Variants in NXPH2 observed in about 807,000 individuals in gnomAD.
NXPH2 encodes neurexophilin 2.
A neutral mutation model predicts 19.8 loss-of-function variants in NXPH2; 5 were observed. The observed-to-expected ratio is 0.25, with a 90% CI of 0.13 to 0.53. The LOEUF is 0.53. Ranked by LOEUF, NXPH2 falls within the 20% of genes least tolerant of loss-of-function variation. NXPH2 has a pLI of 0.96. For missense variants in NXPH2, 289 were observed against 322.8 expected (o/e 0.90, Z 0.80); for synonymous variants, 154 against 127.4 (o/e 1.21, Z -1.41).
intron 1 of NXPH2, among the ~76,000 whole-genome samples, chr2:138,753,524 G>A (rs1221743047): frequency 6.6e-6 from 1 of 152,104 alleles, no homozygotes; most frequent in African/African-American, 2.4e-5. Context: ...ATTGCTACTG[G>A]AGTGTTTTGT....
chr2:138,731,501 G>C (rs1320199144), intron 1 of NXPH2, among the ~76,000 whole-genome samples: 1 of 152,028 alleles, frequency 6.6e-6, no homozygotes, highest in Non-Finnish European at 1.5e-5. Flanking sequence ...ATCTCTCTGG[G>C]CTTTGACAAT....
chr2:138,760,044 TAAAG>T (rs1681986284), intron 1 of NXPH2, among the ~76,000 whole-genome samples: 2 of 152,192 alleles, frequency 1.3e-5, no homozygotes, highest in African/African-American at 4.8e-5. Context: ...CCTTTTTCTA[TAAAG>T]TGTTTAAGAA....
intron 1 of NXPH2, among the ~76,000 whole-genome samples, chr2:138,744,767 C>G (rs549545996): frequency 6.6e-6 from 1 of 152,300 alleles, no homozygotes; most frequent in African/African-American, 2.4e-5. Flanking sequence ...AGAACTCTTC[C>G]TGGCTCTAGC....
chr2:138,703,549 G>A (rs1275229580), intron 1 of NXPH2, among the ~76,000 whole-genome samples: 1 of 152,182 alleles, frequency 6.6e-6, no homozygotes, highest in African/African-American at 2.4e-5. Flanking sequence ...CATTGGAGAG[G>A]TTCGCATATT....
intron 1 of NXPH2, among the ~76,000 whole-genome samples, chr2:138,746,648 T>G (rs971636048): frequency 6.6e-6 from 1 of 152,196 alleles, no homozygotes; most frequent in Non-Finnish European, 1.5e-5. Flanking sequence ...ATTGAGCACA[T>G]GGGAAGACAT....
chr2:138,674,758 G>A (rs1215835959), intron 1 of NXPH2, among the ~76,000 whole-genome samples: 1 of 152,174 alleles, frequency 6.6e-6, no homozygotes. Context: ...AGGATGCATG[G>A]GCAGATAAGA....
chr2:138,686,813 T>C (rs1680663250), intron 1 of NXPH2, among the ~76,000 whole-genome samples: 1 of 152,200 alleles, frequency 6.6e-6, no homozygotes, highest in Admixed American at 6.5e-5. Flanking sequence ...TTGTTTTTTT[T>C]GTCCTTGCAA....
At chr2:138,711,337 C>T (rs1681103207) in intron 1 of NXPH2, among the ~76,000 whole-genome samples, 1 of 151,922 alleles carries the variant, frequency 6.6e-6, no homozygotes, top group Non-Finnish European at 1.5e-5. Context: ...GACAGGGTTT[C>T]ACCATGTTAG....
rs890428671 is a variant in NXPH2, at chr2:138,729,871, G to T, written c.51+50320C>A. Among the ~76,000 whole-genome samples, 3 of 152,170 alleles carry T rather than the reference G, an allele frequency of 2.0e-5. No individual in the cohort carries two copies. In the South Asian group the frequency reaches 6.2e-4, roughly 32 times the overall value. Reference sequence around the variant, plus strand: ...TTATGTCTTCTTTGGTCAATAGGGTGCTTCTGAAGTGATGTTTTTGTCTGC... The same window carrying T: ...TTATGTCTTCTTTGGTCAATAGGGTTCTTCTGAAGTGATGTTTTTGTCTGC... On this transcript the variant is annotated intron_variant, in intron 1 of 1. Transcript: ENST00000272641.
At chr2:138,730,899 A>G (rs1046532868) in intron 1 of NXPH2, among the ~76,000 whole-genome samples, 1 of 152,162 alleles carries the variant, frequency 6.6e-6, no homozygotes, top group African/African-American at 2.4e-5. Context: ...AGCTAACTAT[A>G]ACACCATCTC....
intron 1 of NXPH2, among the ~76,000 whole-genome samples, chr2:138,728,725 T>C (rs1276054998): frequency 1.3e-5 from 2 of 152,220 alleles, no homozygotes; most frequent in Non-Finnish European, 2.9e-5. Context: ...TATTCTCTGA[T>C]AAAAAGTTTG....
chr2:138,716,427 G>A (rs543918967), intron 1 of NXPH2, among the ~76,000 whole-genome samples: 12 of 152,198 alleles, frequency 7.9e-5, no homozygotes, highest in South Asian at 4.2e-4. Context: ...TTGAGAACAC[G>A]GCCATCTGCA....
At chr2:138,701,162 T>C (rs1680916634) in intron 1 of NXPH2, among the ~76,000 whole-genome samples, 1 of 152,134 alleles carries the variant, frequency 6.6e-6, no homozygotes, top group Admixed American at 6.5e-5. Flanking sequence ...CGTGTAATTC[T>C]AGGAGCGTTT....
chr2:138,727,079 A>G (rs1167709120), intron 1 of NXPH2, among the ~76,000 whole-genome samples: 3 of 152,148 alleles, frequency 2.0e-5, no homozygotes, highest in East Asian at 1.9e-4. Flanking sequence ...ATATGCATTT[A>G]AGGTTCTTCC....
At chr2:138,703,402 A>C (rs1202625780) in intron 1 of NXPH2, among the ~76,000 whole-genome samples, 1 of 152,198 alleles carries the variant, frequency 6.6e-6, no homozygotes. Flanking sequence ...TGAAGGGATA[A>C]ATCAGGCTGT....
intron 1 of NXPH2, among the ~76,000 whole-genome samples, chr2:138,704,161 G>T (rs1015303682): frequency 6.6e-6 from 1 of 152,172 alleles, no homozygotes; most frequent in Admixed American, 6.6e-5. Flanking sequence ...CTTTTCCTAT[G>T]TGCTTTGGGA....
intron 1 of NXPH2, among the ~76,000 whole-genome samples, chr2:138,694,220 G>A (rs1680793270): frequency 6.6e-6 from 1 of 152,138 alleles, no homozygotes; most frequent in East Asian, 1.9e-4. Context: ...CTTTTGGTTT[G>A]ATGCCTCCCA....
chr2:138,711,361 G>C (rs1052537197), intron 1 of NXPH2, among the ~76,000 whole-genome samples: 16 of 151,752 alleles, frequency 1.1e-4, no homozygotes, highest in African/African-American at 3.1e-4. Flanking sequence ...GGCTGGTCTT[G>C]ATCTCCTGAC....
At position 138,670,222 on chromosome 2, in the gene NXPH2, T is replaced by G. The variant is rs1227240057; in HGVS notation, c.*700A>C. On this transcript the variant is annotated 3_prime_UTR_variant, in exon 2 of 2. Coordinates refer to ENST00000272641, the MANE Select transcript of NXPH2 (RefSeq NM_007226.3). ...TTGTTATCGTTCAACAAACTTATTC[T>G]CAGATTTGCTTTCCCATTACATCAG... 6.6e-6 allele frequency among the ~76,000 whole-genome samples: 1 copy of G among 152,190 alleles called. No individual in the cohort carries two copies. Among genetic ancestry groups the G allele is most frequent in the Non-Finnish European group, 1.5e-5 (1 of 68,036 alleles).
Sources: allele counts gnomAD v4.1 joint callset (sites outside exome capture counted in the v4.1 genomes callset), GRCh38; gene constraint gnomAD v4.1.1; transcripts MANE v1.5; gene names NCBI Gene and HGNC (gene_info 2026-07-23, HGNC 2026-07-21).